Variants in ZZEF1 observed in about 807,000 individuals in gnomAD.
The protein encoded by ZZEF1 is zinc finger ZZ-type and EF-hand domain-containing protein 1.
ZZEF1 carries 157 observed loss-of-function variants against 342.8 expected under a neutral mutation model. The observed-to-expected ratio is 0.46, with a 90% CI of 0.40 to 0.52. ZZEF1 has a LOEUF of 0.52. Ranked by LOEUF, ZZEF1 falls within the 20% of genes least tolerant of loss-of-function variation. The pLI is 0.00. For synonymous variants in ZZEF1, 1,505 were observed against 1,429.1 expected (o/e 1.05, Z -1.20); for missense variants, 3,480 against 3,725.6 (o/e 0.93, Z 1.72).
At position 4,049,719 on chromosome 17, in the gene ZZEF1, C is replaced by T. The variant is rs1239240481; in HGVS notation, c.6004G>A (p.Glu2002Lys). 1.2e-6 allele frequency: 2 copies of T among 1,614,074 alleles called. No individual in the cohort carries two copies. Among genetic ancestry groups the T allele is most frequent in the Non-Finnish European group, 1.7e-6 (2 of 1,180,010 alleles). The change falls in exon 37 of 55, where the codon GAA (glutamate) becomes AAA (lysine). Residue 2002 changes from glutamate (E) to lysine (K), a missense_variant. Coordinates refer to ENST00000381638, the MANE Select transcript of ZZEF1 (RefSeq NM_015113.4). The part of the protein sequence containing the change: ...KKAVQGAELS[E>K]AGNGKRAVHE... ...GAATCGTCATTTACATTGCCTGCTTCTGACAGCTCAGCACCCTGGACAGCT... is the reference window on the plus strand; with the variant it reads ...GAATCGTCATTTACATTGCCTGCTTTTGACAGCTCAGCACCCTGGACAGCT...
chr17:4,110,895 T>C (rs1191076612), intron 5 of ZZEF1, among the ~76,000 whole-genome samples: 3 of 151,986 alleles, frequency 2.0e-5, no homozygotes, highest in Non-Finnish European at 2.9e-5. Context: ...TTGTATTTGG[T>C]AGAGACGGAG....
At chr17:4,074,033 GA>G in intron 24 of ZZEF1, 116 bp downstream of exon 24, 2 of 1,146,956 alleles carry the variant, frequency 1.7e-6, no homozygotes, top group Non-Finnish European at 2.5e-6. Context: ...AAAGGAAACT[GA>G]AAAGGCGTAT....
intron 52 of ZZEF1, among the ~76,000 whole-genome samples, chr17:4,010,345 C>A (rs994105437): frequency 4.7e-5 from 6 of 126,424 alleles, no homozygotes; most frequent in Middle Eastern, 3.6e-3. Context: ...CAGAGTGAGA[C>A]CTTGTCTCTT....
chr17:4,082,646 C>A, intron 16 of ZZEF1, 142 bp from the exon 17 acceptor site: 1 of 711,956 alleles, frequency 1.4e-6, no homozygotes, highest in African/African-American at 1.8e-5. Flanking sequence ...CAGCACCCCA[C>A]TAAAACCCGC....
At chr17:4,056,542 C>T (rs536919807) in intron 32 of ZZEF1, among the ~76,000 whole-genome samples, 197 bp from the exon 33 acceptor site, 39 of 152,232 alleles carry the variant, frequency 2.6e-4, no homozygotes, top group South Asian at 8.3e-4. Context: ...AGGAGAAGCC[C>T]TTTCCAGAGT....
At chr17:4,036,419 T>G (rs910444733) in intron 39 of ZZEF1, among the ~76,000 whole-genome samples, 1 of 152,146 alleles carries the variant, frequency 6.6e-6, no homozygotes, top group African/African-American at 2.4e-5. Flanking sequence ...AATAGCCATA[T>G]TGGATACCTT....
chr17:4,026,982 C>T lies in ZZEF1; in HGVS notation c.6893-1864G>A, dbSNP rs536158742. ...GACCTGCACTATAAATAATGTTCAG[C>T]GCAGTTTTTCACGTCCCCCCACAAA... On this transcript the variant is annotated intron_variant, in intron 42 of 54. Transcript: ENST00000381638. 1.2e-4 allele frequency among the ~76,000 whole-genome samples: 19 copies of T among 152,206 alleles called. No homozygotes were observed. In the South Asian group the frequency reaches 2.9e-3, roughly 23 times the overall value.
At position 4,082,503 on chromosome 17, in the gene ZZEF1, T is replaced by C. The variant is rs1165426660; in HGVS notation, c.2648A>G (p.Asn883Ser). 1 of 1,613,762 alleles carries C rather than the reference T, an allele frequency of 6.2e-7. No individual in the cohort carries two copies. The highest frequency in any genetic ancestry group is 1.3e-5 in the African/African-American group (1 of 74,928). ...CTGCTTGTGCTCCTGCTCGGTGACATTCTTCTAGAAAACCAGAAATTGTAT... is the reference window on the plus strand; with the variant it reads ...CTGCTTGTGCTCCTGCTCGGTGACACTCTTCTAGAAAACCAGAAATTGTAT... Reference protein sequence around the residue: ...TRRNHLFTMMNVTEQEHKQSL... With the variant: ...TRRNHLFTMMSVTEQEHKQSL... Residue 883 changes from asparagine to serine, a missense_variant and splice_region_variant, in exon 17 of 55, where the codon AAT becomes AGT. Physicochemically the swap from Asn to Ser is conservative, Grantham distance 46. Transcript: ENST00000381638.
chr17:4,076,417 G>A lies in ZZEF1; in HGVS notation c.3234+220C>T, dbSNP rs1047038741. ...CAAAGTGCTGGGATTACAAGCGTGA[G>A]CCACTGCGCCCGGCCTCTGCGTCTC... On this transcript the variant is annotated intron_variant, in intron 21 of 54. Transcript: ENST00000381638. The A allele has an allele frequency of 8.0e-5, 33 of 412,306 alleles. 1 individual carries two copies. In the Admixed American group the frequency reaches 1.1e-3, roughly 14 times the overall value. 25.5% of individuals were successfully genotyped at this position (412,306 alleles called of 1,614,324 possible). A position where few individuals can be genotyped will look rare whatever the true frequency, so the allele number is the denominator to read the frequency against.
At chr17:4,068,744 G>A (rs929732652) in intron 26 of ZZEF1, among the ~76,000 whole-genome samples, 2 of 152,162 alleles carry the variant, frequency 1.3e-5, no homozygotes, top group East Asian at 1.9e-4. Context: ...CGCCAGGGCT[G>A]TACCAGACAC....
Position 4,142,494 on chromosome 17 carries a change from G to C in ZZEF1, c.354+48C>G, listed in dbSNP as rs1331690423. On this transcript the variant is annotated intron_variant, in intron 1 of 54. Coordinates refer to ENST00000381638, the MANE Select transcript of ZZEF1 (RefSeq NM_015113.4). Reference sequence around the variant, plus strand: ...TGCCCACCTCTTCCTTCAGTCCCCTGGGGGCGACCGCCCTGCCCCATCCCC... The same window carrying C: ...TGCCCACCTCTTCCTTCAGTCCCCTCGGGGCGACCGCCCTGCCCCATCCCC... 3.8e-6 allele frequency: 6 copies of C among 1,570,910 alleles called. No individual in the cohort carries two copies. The African/African-American group carries it at 6.8e-5, about 18-fold the overall frequency.
intron 1 of ZZEF1, among the ~76,000 whole-genome samples, chr17:4,138,764 A>T (rs188180710): frequency 2.9e-4 from 44 of 152,364 alleles, no homozygotes; most frequent in African/African-American, 1.1e-3. Flanking sequence ...TTCTAGAATC[A>T]TACTCTAAGA....
chr17:4,127,632 G>C (rs1226577136), intron 1 of ZZEF1, among the ~76,000 whole-genome samples: 1 of 152,030 alleles, frequency 6.6e-6, no homozygotes, highest in African/African-American at 2.4e-5. Context: ...CAGAAATCTG[G>C]GGGTGTATTC....
At chr17:4,045,829 TG>T (rs371178282) in intron 37 of ZZEF1, among the ~76,000 whole-genome samples, 3 of 126,078 alleles carry the variant, frequency 2.4e-5, no homozygotes, top group Admixed American at 8.6e-5. Context: ...TTTTTGTTCT[TG>T]TTTTTTTTTT....
Position 4,021,143 on chromosome 17 carries a change from T to C in ZZEF1, c.7390A>G (p.Arg2464Gly), listed in dbSNP as rs367877189. 1.2e-5 allele frequency: 20 copies of C among 1,612,098 alleles called. No individual in the cohort carries two copies. The highest frequency in any genetic ancestry group is 1.5e-5 in the Non-Finnish European group (18 of 1,179,146). The change falls in exon 45 of 55, where the codon AGA (arginine) becomes GGA (glycine). Residue 2464 changes from arginine (R) to glycine (G), a missense_variant. Coordinates refer to ENST00000381638, the MANE Select transcript of ZZEF1 (RefSeq NM_015113.4). Reference sequence around the variant, plus strand: ...CAAGAACACACCAAGAAACATATTCTGGTGGGCTCATCCAGGCCCTCAAGG... The same window carrying C: ...CAAGAACACACCAAGAAACATATTCCGGTGGGCTCATCCAGGCCCTCAAGG... Reference protein sequence around the residue: ...DPLEGLDEPTRICFLMAHDAL... With the variant: ...DPLEGLDEPTGICFLMAHDAL...
At position 4,064,628 on chromosome 17, in the gene ZZEF1, G is replaced by A; in HGVS notation, c.4451C>T (p.Thr1484Ile). The A allele has an allele frequency of 6.2e-7, 1 of 1,614,214 alleles. No homozygotes were observed. Among genetic ancestry groups the A allele is most frequent in the South Asian group, 1.1e-5 (1 of 91,088 alleles). ...VSPTEAAPPA[T>I]GDQSPGLGTQ... is the part of the protein sequence containing the mutation. ...GCCCAGGCCAGGACTCTGGTCTCCTGTGGCAGGGGGTGCGGCTTCAGTGGG... is the reference window on the plus strand; with the variant it reads ...GCCCAGGCCAGGACTCTGGTCTCCTATGGCAGGGGGTGCGGCTTCAGTGGG... The change falls in exon 29 of 55, where the codon ACA becomes ATA. Residue 1484 changes from threonine (T) to isoleucine (I), a missense_variant. Thr to Ile is a moderately conservative substitution (Grantham distance 89, BLOSUM62 -1). Around this residue, in one of 5 missense-constraint regions of ZZEF1, gnomAD observed 1,528 missense variants for 1,624.1 expected, o/e 0.94. Coordinates refer to ENST00000381638, the MANE Select transcript of ZZEF1 (RefSeq NM_015113.4).
chr17:4,044,527 T>A (rs932310840), intron 37 of ZZEF1, among the ~76,000 whole-genome samples, 153 bp from the exon 38 acceptor site: 10 of 152,042 alleles, frequency 6.6e-5, no homozygotes, highest in African/African-American at 1.9e-4. Flanking sequence ...TTCTTTTTTG[T>A]GTGTTTTTTT....
intron 54 of ZZEF1, 54 bp from the exon 55 acceptor site, chr17:4,007,024 T>C: frequency 3.4e-6 from 5 of 1,472,266 alleles, no homozygotes; most frequent in Non-Finnish European, 4.6e-6. Flanking sequence ...CCTCATTCAG[T>C]GAGTGCTGAT....
chr17:4,023,301 GTC>G (rs912372398), intron 43 of ZZEF1, among the ~76,000 whole-genome samples: 2 of 152,132 alleles, frequency 1.3e-5, no homozygotes, highest in African/African-American at 4.8e-5. Context: ...GCCCCCTGTT[GTC>G]TCTCTTGCCG....
Sources: gnomAD v4.1 joint callset for allele counts (sites outside exome capture counted in the v4.1 genomes callset) on GRCh38, gnomAD v4.1.1 for gene constraint, gnomAD v4.1.1 regional missense constraint, MANE v1.5 for transcripts, NCBI Gene and HGNC (gene_info 2026-07-23, HGNC 2026-07-21) for gene names.